The following PPP2R5C variants were observed in gnomAD, a reference collection of about 807,000 sequenced individuals.
PPP2R5C encodes the protein serine/threonine-protein phosphatase 2A 56 kDa regulatory subunit gamma isoform.
Under a neutral mutation model 68.9 loss-of-function variants are expected in PPP2R5C, and 7 were observed. The observed-to-expected ratio is 0.10, with a 90% CI of 0.06 to 0.19. The LOEUF (loss-of-function observed/expected upper bound fraction) is 0.19, where lower values mean the gene tolerates loss of function less well. Among genes scored for constraint, PPP2R5C ranks in the 10% least tolerant of loss-of-function variants. The pLI is 1.00. For missense variants in PPP2R5C, 348 were observed against 641.3 expected, an observed-to-expected ratio of 0.54 and a Z score of 4.94; for synonymous variants, 210 against 222.2, an observed-to-expected ratio of 0.95 and a Z score of 0.49.
rs754286502 is a variant in PPP2R5C at position 101,901,906 on chromosome 14, G to A, written c.1023+17G>A. ...CACTTCCAGGTATGTGGGGCTTGGG[G>A]GACCTGATTAAATTCTTCCAGTGTT... On this transcript the variant is annotated intron_variant, in intron 9 of 13. Transcript: ENST00000334743. 7.5e-6 allele frequency: 12 copies of A among 1,608,722 alleles called. No individual in the cohort carries two copies. The highest frequency in any genetic ancestry group is 1.1e-5 in the South Asian group (1 of 90,880).
At chr14:101,851,136 A>G (rs2042134242) in intron 1 of PPP2R5C, among the ~76,000 whole-genome samples, 1 of 152,160 alleles carries the variant, frequency 6.6e-6, no homozygotes, top group Non-Finnish European at 1.5e-5. Context: ...CCTTGCATGG[A>G]AGAATACACT....
At chr14:101,780,735 A>C (rs2037638014) in intron 2 of PPP2R5C, among the ~76,000 whole-genome samples, 1 of 152,112 alleles carries the variant, frequency 6.6e-6, no homozygotes, top group South Asian at 2.1e-4. Flanking sequence ...AATACTTCTT[A>C]AGTGGCATAT....
chr14:101,900,289 A>C (rs897764603), intron 8 of PPP2R5C, among the ~76,000 whole-genome samples: 7 of 152,232 alleles, frequency 4.6e-5, no homozygotes, highest in African/African-American at 1.7e-4. Flanking sequence ...AAATTTTTCT[A>C]AATGGATGTT....
upstream of PPP2R5C, among the ~76,000 whole-genome samples, chr14:101,806,623 T>A (rs1241730790): frequency 6.6e-6 from 1 of 152,222 alleles, no homozygotes. Context: ...TTTATAGCAT[T>A]TATATTTCCT....
upstream of PPP2R5C, among the ~76,000 whole-genome samples, chr14:101,809,552 CTTTTTTTTTT>C (rs5811049): frequency 8.6e-5 from 8 of 92,896 alleles, no homozygotes; most frequent in Non-Finnish European, 1.2e-4. Flanking sequence ...TATACACACA[CTTTTTTTTTT>C]TTTTTTTTTT....
intron 10 of PPP2R5C, among the ~76,000 whole-genome samples, chr14:101,908,400 G>A (rs945242410): frequency 6.6e-6 from 1 of 152,114 alleles, no homozygotes; most frequent in South Asian, 2.1e-4. Context: ...TTGAGATGGA[G>A]TCTTGCTCTG....
chr14:101,798,257 A>T lies in PPP2R5C; in HGVS notation c.259+12074A>T, dbSNP rs561463658. Among the ~76,000 whole-genome samples, 10 of 152,314 alleles carry T rather than the reference A, an allele frequency of 6.6e-5. No homozygotes were observed. The East Asian group carries it at 1.9e-3, about 29-fold the overall frequency. On this transcript the variant is annotated intron_variant, in intron 3 of 14. Coordinates refer to the PPP2R5C transcript ENST00000328724. ...CCAGCCTTCTGTTAATTACAATAAA[A>T]TGTCTTCACTAAAATAGAAGCATAT...
At position 101,888,627 on chromosome 14, in the gene PPP2R5C, T is replaced by C. The variant is rs1048074841; in HGVS notation, c.630-1610T>C. 6.6e-6 allele frequency among the ~76,000 whole-genome samples: 1 copy of C among 152,204 alleles called. No individual in the cohort carries two copies. Among genetic ancestry groups the C allele is most frequent in the Non-Finnish European group, 1.5e-5 (1 of 68,044 alleles). Reference sequence around the variant, plus strand: ...GTTTTTTGTTTTGAAACAGGGTCTCTGTTGCCCAGGCTGGAATGCAGTGGC... The same window carrying C: ...GTTTTTTGTTTTGAAACAGGGTCTCCGTTGCCCAGGCTGGAATGCAGTGGC... On this transcript the variant is annotated intron_variant, in intron 5 of 13. Transcript: ENST00000334743. This position sits in a 1 kb window ranked among gnomAD's most constrained non-coding sequence, Gnocchi z 5.6.
chr14:101,774,246 C>T (rs955409300), intron 2 of PPP2R5C, among the ~76,000 whole-genome samples: 1 of 152,224 alleles, frequency 6.6e-6, no homozygotes, highest in African/African-American at 2.4e-5. Context: ...TGGGAGCTGG[C>T]TCTTGTGACT....
chr14:101,868,021 C>T (rs1235293718), intron 2 of PPP2R5C, among the ~76,000 whole-genome samples: 1 of 152,122 alleles, frequency 6.6e-6, no homozygotes, highest in Admixed American at 6.5e-5. Context: ...AGATGGGTGT[C>T]CTGTGCTTCA....
Position 101,893,148 on chromosome 14 carries a change from T to G in PPP2R5C, c.798+40T>G, listed in dbSNP as rs771153438. 1.4e-5 allele frequency: 19 copies of G among 1,406,654 alleles called. No homozygotes were observed. In the African/African-American group the frequency reaches 2.6e-4, roughly 19 times the overall value. The allele number at this position is 1,406,654 out of a possible 1,614,324, so 87.1% of individuals were successfully genotyped here. A position where few individuals can be genotyped will look rare whatever the true frequency, so the allele number is the denominator to read the frequency against. On this transcript the variant is annotated intron_variant, in intron 7 of 13. Coordinates refer to ENST00000334743, the Ensembl canonical transcript of PPP2R5C. Reference sequence around the variant, plus strand: ...GACTCTAGGAACACAGCTGTTGGCATTTGATCAGGATTGAACACGAGATAG... The same window carrying G: ...GACTCTAGGAACACAGCTGTTGGCAGTTGATCAGGATTGAACACGAGATAG...
At chr14:101,847,042 A>G (rs1036086157) in intron 1 of PPP2R5C, among the ~76,000 whole-genome samples, 4 of 152,216 alleles carry the variant, frequency 2.6e-5, no homozygotes, top group African/African-American at 9.7e-5. Context: ...ACTCTGATAC[A>G]GGTGGCGTTA....
At chr14:101,831,921 T>C (rs543830272) in intron 1 of PPP2R5C, 76 of 567,664 alleles carry the variant, frequency 1.3e-4, no homozygotes, top group Non-Finnish European at 2.0e-4. Flanking sequence ...AGCAGCAATA[T>C]TATGATACAG....
chr14:101,919,462 C>G lies in PPP2R5C; in HGVS notation c.1443+1515C>G, dbSNP rs116336342. ...CTCTCTTTGTGGGAGTGTTAATGTT[C>G]TTCTTGATATTTTTTTTTAACTCAG... On this transcript the variant is annotated intron_variant, in intron 13 of 13. Coordinates refer to ENST00000334743, the Ensembl canonical transcript of PPP2R5C. Among the ~76,000 whole-genome samples the G allele has an allele frequency of 4.2e-3, 639 of 152,106 alleles. 4 individuals are homozygous for G. Among genetic ancestry groups the G allele is most frequent in the African/African-American group, 0.015 (605 of 41,494 alleles).
At chr14:101,828,154 A>AT (rs1332318956) in intron 1 of PPP2R5C, among the ~76,000 whole-genome samples, 5 of 152,200 alleles carry the variant, frequency 3.3e-5, no homozygotes, top group Middle Eastern at 3.4e-3. Context: ...CTCAAAGCCC[A>AT]TTTTTTTATT....
upstream of PPP2R5C, chr14:101,760,701 G>A (rs1362386519): frequency 1.0e-6 from 1 of 961,702 alleles, no homozygotes; most frequent in African/African-American, 2.0e-5. Flanking sequence ...GGGACCTCGC[G>A]GGAGGAGCTG....
At chr14:101,830,502 C>G (rs1318496478) in intron 1 of PPP2R5C, among the ~76,000 whole-genome samples, 2 of 152,198 alleles carry the variant, frequency 1.3e-5, no homozygotes. Context: ...AAAATCCACC[C>G]GAGGTGGGGC....
Position 101,908,172 on chromosome 14 carries a change from A to G in PPP2R5C, c.1152-1417A>G, listed in dbSNP as rs557098179. Among the ~76,000 whole-genome samples, 77 of 152,246 alleles carry G rather than the reference A, an allele frequency of 5.1e-4. 1 individual carries two copies. In the Middle Eastern group the frequency reaches 0.024, roughly 47 times the overall value. ...TCACTTGGTTGTGAGGATTAAGATA[A>G]AGTTAATATGCGTAAAGTACCTGGC... On this transcript the variant is annotated intron_variant, in intron 10 of 13. Transcript: ENST00000334743.
At chr14:101,824,006 C>T (rs1371051597) in intron 1 of PPP2R5C, 2 of 1,289,026 alleles carry the variant, frequency 1.6e-6, no homozygotes, top group Admixed American at 4.6e-5. Context: ...CTTACATTGT[C>T]TCACTAGGCA....
Sources: allele counts gnomAD v4.1 joint callset (sites outside exome capture counted in the v4.1 genomes callset), GRCh38; gene constraint gnomAD v4.1.1; non-coding constraint Gnocchi (gnomAD v3.1); transcripts MANE v1.5; gene names NCBI Gene and HGNC (gene_info 2026-07-23, HGNC 2026-07-21).